WDFY2: variants seen among roughly 807,000 people sequenced by gnomAD.
WDFY2 encodes WD repeat and FYVE domain containing 2.
In WDFY2, 36 loss-of-function variants were observed where a neutral mutation model predicts 56.4. The observed-to-expected ratio is 0.64, with a 90% CI of 0.49 to 0.84. WDFY2 has a LOEUF of 0.84. Among genes scored for constraint, WDFY2 ranks in the 40% least tolerant of loss-of-function variants. The pLI is 0.00. For synonymous variants in WDFY2, 176 were observed against 183.7 expected, an observed-to-expected ratio of 0.96 and a Z score of 0.34; for missense variants, 444 against 512.2, an observed-to-expected ratio of 0.87 and a Z score of 1.29.
At position 51,762,802 on chromosome 13, in the gene WDFY2, G is replaced by A. The variant is rs938422061; in HGVS notation, c.*3033G>A. On this transcript the variant is annotated 3_prime_UTR_variant, in exon 12 of 12. Transcript: ENST00000298125. ...TACAAATAATGCCTAACATGCCTGCGCTGAGAAAGTGGCAGATCTACACAT... is the reference window on the plus strand; with the variant it reads ...TACAAATAATGCCTAACATGCCTGCACTGAGAAAGTGGCAGATCTACACAT... 2 of 119,238 alleles carry A rather than the reference G, an allele frequency of 1.7e-5. No individual in the cohort carries two copies. Among genetic ancestry groups the A allele is most frequent in the African/African-American group, 3.2e-5 (1 of 31,244 alleles). 7.4% of individuals were successfully genotyped at this position (119,238 alleles called of 1,614,324 possible).
intron 6 of WDFY2, among the ~76,000 whole-genome samples, chr13:51,729,122 G>T (rs1359171583): frequency 6.6e-6 from 1 of 151,992 alleles, no homozygotes; most frequent in Non-Finnish European, 1.5e-5. Flanking sequence ...TAAATGTTCT[G>T]CCTTCTTGGC....
In WDFY2 at chr13:51,761,094, T is replaced by G. The variant is rs1285506796; in HGVS notation, c.*1325T>G. ...TTCTATCCCTTTAAAAACTAGATAT[T>G]TAAACATTTTATCCTAATGTGTTTC... On this transcript the variant is annotated 3_prime_UTR_variant, in exon 12 of 12. Transcript: ENST00000298125. 5 of 152,360 alleles carry G rather than the reference T, an allele frequency of 3.3e-5. No homozygotes were observed. Among genetic ancestry groups the G allele is most frequent in the African/African-American group, 1.2e-4 (5 of 41,588 alleles). 9.4% of individuals were successfully genotyped at this position (152,360 alleles called of 1,614,324 possible).
At chr13:51,718,812 CT>C (rs1197660578) in intron 4 of WDFY2, among the ~76,000 whole-genome samples, 2 of 152,184 alleles carry the variant, frequency 1.3e-5, no homozygotes, top group African/African-American at 4.8e-5. Flanking sequence ...ATGAACATCA[CT>C]CCTAATGTGT....
Position 51,633,503 on chromosome 13 carries a change from C to T in WDFY2, c.138-27093C>T, listed in dbSNP as rs530917902. On this transcript the variant is annotated intron_variant, in intron 1 of 11. Coordinates refer to ENST00000298125, the MANE Select transcript of WDFY2 (RefSeq NM_052950.4). Reference sequence around the variant, plus strand: ...GATCTAAATAATTGATGAATGGCAGCAGTTTTGTTGTGGGTGTTCTGGGAA... The same window carrying T: ...GATCTAAATAATTGATGAATGGCAGTAGTTTTGTTGTGGGTGTTCTGGGAA... 9.9e-5 allele frequency among the ~76,000 whole-genome samples: 15 copies of T among 152,278 alleles called. No homozygotes were observed. The South Asian group carries it at 2.7e-3, about 27-fold the overall frequency.
chr13:51,750,586 A>G (rs1189715558), intron 7 of WDFY2, among the ~76,000 whole-genome samples: 1 of 152,068 alleles, frequency 6.6e-6, no homozygotes, highest in Non-Finnish European at 1.5e-5. Flanking sequence ...CTCTCACCCA[A>G]TAGAGAATAG....
chr13:51,647,848 C>G (rs1252739842), intron 1 of WDFY2, among the ~76,000 whole-genome samples: 2 of 151,796 alleles, frequency 1.3e-5, no homozygotes, highest in Admixed American at 1.3e-4. Context: ...TTATGCAGCC[C>G]ATGACTATGT....
chr13:51,746,784 T>C (rs576083322), intron 7 of WDFY2, among the ~76,000 whole-genome samples: 182 of 152,270 alleles, frequency 1.2e-3, no homozygotes, highest in African/African-American at 3.5e-3. Context: ...ATCCAGAAAA[T>C]AGAACATTAA....
intron 3 of WDFY2, among the ~76,000 whole-genome samples, chr13:51,692,915 A>C (rs1224238686): frequency 6.6e-6 from 1 of 152,110 alleles, no homozygotes; most frequent in African/African-American, 2.4e-5. Context: ...TTCCTGGTTT[A>C]GTCTTGTGAG....
chr13:51,674,328 A>G (rs1437409018), intron 2 of WDFY2, among the ~76,000 whole-genome samples: 1 of 152,222 alleles, frequency 6.6e-6, no homozygotes, highest in Non-Finnish European at 1.5e-5. Flanking sequence ...GTAAATTGTC[A>G]AAAGACCCCC....
At chr13:51,669,044 A>G (rs1360928037) in intron 2 of WDFY2, among the ~76,000 whole-genome samples, 1 of 152,208 alleles carries the variant, frequency 6.6e-6, no homozygotes, top group Non-Finnish European at 1.5e-5. Context: ...AAAAATACCA[A>G]TTTTGAGATA....
intron 3 of WDFY2, 108 bp downstream of exon 3, chr13:51,675,351 T>G: frequency 9.4e-7 from 1 of 1,066,392 alleles, no homozygotes; most frequent in Non-Finnish European, 1.4e-6. Flanking sequence ...TCTTGCTAAG[T>G]AGAATGAAAA....
In WDFY2 at chr13:51,726,614, T is replaced by G. The variant is rs148268245; in HGVS notation, c.486-1064T>G. ...CAGGTATTCAGTGTAAGCCACATTA[T>G]TTGAACAGTTAAGGCACAGTGAGCC... On this transcript the variant is annotated intron_variant, in intron 5 of 11. Transcript: ENST00000298125. Among the ~76,000 whole-genome samples, 23 of 152,322 alleles carry G rather than the reference T, an allele frequency of 1.5e-4. No individual in the cohort carries two copies. In the East Asian group the frequency reaches 4.1e-3, roughly 27 times the overall value.
chr13:51,729,520 C>T (rs187594796), intron 6 of WDFY2, among the ~76,000 whole-genome samples: 2 of 151,516 alleles, frequency 1.3e-5, no homozygotes, highest in South Asian at 2.1e-4. Flanking sequence ...AGGAGAGCTG[C>T]CTTCCTCCAG....
intron 10 of WDFY2, 59 bp from the exon 11 acceptor site, chr13:51,758,133 T>G: frequency 7.3e-7 from 1 of 1,360,572 alleles, no homozygotes; most frequent in Non-Finnish European, 1.0e-6. Flanking sequence ...TCATCCTAGA[T>G]CTCTCTCATT....
intron 6 of WDFY2, among the ~76,000 whole-genome samples, chr13:51,735,612 A>T (rs1952817688): frequency 6.6e-6 from 1 of 152,132 alleles, no homozygotes; most frequent in Non-Finnish European, 1.5e-5. Flanking sequence ...ATCATTGTAC[A>T]TTTTTGGTAG....
intron 3 of WDFY2, among the ~76,000 whole-genome samples, chr13:51,684,912 A>G (rs1381750792): frequency 6.6e-6 from 1 of 152,146 alleles, no homozygotes; most frequent in Non-Finnish European, 1.5e-5. Flanking sequence ...TCAGATATCC[A>G]AAGTTCTATA....
intron 1 of WDFY2, among the ~76,000 whole-genome samples, chr13:51,644,914 A>G (rs1456809084): frequency 6.6e-6 from 1 of 152,210 alleles, no homozygotes; most frequent in Non-Finnish European, 1.5e-5. Flanking sequence ...GCATCTGTCT[A>G]TCATGGAGAA....
intron 1 of WDFY2, among the ~76,000 whole-genome samples, chr13:51,619,401 C>T (rs917908774): frequency 4.0e-5 from 6 of 151,498 alleles, no homozygotes; most frequent in Non-Finnish European, 7.4e-5. Flanking sequence ...CCACTATACT[C>T]CAGCCTGGGC....
At chr13:51,751,584 G>T (rs1052331613) in intron 8 of WDFY2, 169 bp downstream of exon 8, 4 of 643,736 alleles carry the variant, frequency 6.2e-6, no homozygotes, top group South Asian at 4.9e-5. Context: ...TCACAAGTTG[G>T]CATGTAACAT....
Sources: allele counts gnomAD v4.1 joint callset (sites outside exome capture counted in the v4.1 genomes callset), GRCh38; gene constraint gnomAD v4.1.1; transcripts MANE v1.5; gene names NCBI Gene and HGNC (gene_info 2026-07-23, HGNC 2026-07-21).